SHISA6: variants seen among roughly 807,000 people sequenced by gnomAD.
SHISA6 encodes protein shisa-6.
SHISA6 carries 22 observed loss-of-function variants against 47.9 expected under a neutral mutation model. That is an observed-to-expected ratio of 0.46 (90% CI 0.33 to 0.66). The LOEUF is 0.66. Among genes scored for constraint, SHISA6 ranks in the 30% least tolerant of loss-of-function variants. The pLI is 0.02. For missense variants in SHISA6, 680 were observed against 764.6 expected, an observed-to-expected ratio of 0.89 and a Z score of 1.30; for synonymous variants, 388 against 337.8, an observed-to-expected ratio of 1.15 and a Z score of -1.63.
At chr17:11,297,794 T>C (rs4792124) in intron 2 of SHISA6, among the ~76,000 whole-genome samples, 38,506 of 152,114 alleles carry the variant, frequency 0.25, 5,856 homozygotes, top group Non-Finnish European at 0.35. Flanking sequence ...CAAATAGGAA[T>C]GGAATCCCTA....
chr17:11,546,297 G>T (rs764131908), intron 3 of SHISA6, among the ~76,000 whole-genome samples: 4 of 152,116 alleles, frequency 2.6e-5, no homozygotes, highest in Non-Finnish European at 4.4e-5. Context: ...TGGTCTAGTA[G>T]CCCTGACACC....
Position 11,514,829 on chromosome 17 carries a change from T to C in SHISA6, c.896-37067T>C, listed in dbSNP as rs187968306. 2.5e-3 allele frequency among the ~76,000 whole-genome samples: 375 copies of C among 152,338 alleles called. 1 individual carries two copies. Among genetic ancestry groups the C allele is most frequent in the African/African-American group, 8.6e-3 (358 of 41,574 alleles). On this transcript the variant is annotated intron_variant, in intron 3 of 5. Transcript: ENST00000441885. The stretch of plus-strand genomic sequence containing the variant: ...TTCTTGCACAGGGCACATGTCCTAT[T>C]GTATAGCAGCAGCCTCAACTAAAAA...
chr17:11,373,441 T>A (rs139099289), intron 2 of SHISA6, among the ~76,000 whole-genome samples: 1 of 152,300 alleles, frequency 6.6e-6, no homozygotes, highest in Non-Finnish European at 1.5e-5. Flanking sequence ...AGTCTCCAGC[T>A]ACCCAGCATA....
chr17:11,453,539 T>A (rs908171501), intron 3 of SHISA6, among the ~76,000 whole-genome samples: 7 of 152,202 alleles, frequency 4.6e-5, no homozygotes, highest in African/African-American at 1.7e-4. Flanking sequence ...ATTTCACCAA[T>A]CTGTGCCTTC....
chr17:11,379,387 A>G (rs1404931282), intron 2 of SHISA6, 27 bp from the exon 3 acceptor site: 1 of 1,490,692 alleles, frequency 6.7e-7, no homozygotes, highest in Admixed American at 2.1e-5. Context: ...TGGATGCGCC[A>G]GGTAATTCTG....
At chr17:11,418,027 A>G (rs992925104) in intron 3 of SHISA6, among the ~76,000 whole-genome samples, 4 of 152,224 alleles carry the variant, frequency 2.6e-5, no homozygotes, top group African/African-American at 9.6e-5. Flanking sequence ...GAGCAGAGGT[A>G]CATGTGGAAT....
At chr17:11,495,337 G>A (rs530125204) in intron 3 of SHISA6, among the ~76,000 whole-genome samples, 1 of 152,234 alleles carries the variant, frequency 6.6e-6, no homozygotes, top group East Asian at 1.9e-4. Flanking sequence ...GGGGTTCATA[G>A]ACTAAGCTGC....
chr17:11,549,804 A>G (rs1010469245), intron 3 of SHISA6, among the ~76,000 whole-genome samples: 2 of 152,180 alleles, frequency 1.3e-5, no homozygotes, highest in Admixed American at 6.5e-5. Context: ...AAACCAAACA[A>G]CAACAACAAC....
At chr17:11,531,209 C>CTGTGTG (rs2071729115) in intron 3 of SHISA6, among the ~76,000 whole-genome samples, 1 of 132,522 alleles carries the variant, frequency 7.5e-6, no homozygotes. Flanking sequence ...CAGGTTACTA[C>CTGTGTG]TCTGTGTGTG....
chr17:11,345,416 A>T (rs1341364515), intron 2 of SHISA6, among the ~76,000 whole-genome samples: 8 of 152,158 alleles, frequency 5.3e-5, no homozygotes, highest in Admixed American at 5.2e-4. Context: ...GGAAAGTATT[A>T]GTCTTGTAAC....
At chr17:11,356,837 G>C (rs1912093422) in intron 2 of SHISA6, among the ~76,000 whole-genome samples, 1 of 152,106 alleles carries the variant, frequency 6.6e-6, no homozygotes, top group African/African-American at 2.4e-5. Context: ...GGTAGCCAAA[G>C]AAGGGCATTG....
At chr17:11,488,459 T>A (rs1916404176) in intron 3 of SHISA6, among the ~76,000 whole-genome samples, 1 of 152,162 alleles carries the variant, frequency 6.6e-6, no homozygotes, top group African/African-American at 2.4e-5. Flanking sequence ...CTAAGGACTC[T>A]TTCAGCTTCA....
intron 2 of SHISA6, among the ~76,000 whole-genome samples, chr17:11,316,902 A>G (rs924414662): frequency 6.6e-6 from 1 of 152,214 alleles, no homozygotes; most frequent in Non-Finnish European, 1.5e-5. Flanking sequence ...CCTATTTTAC[A>G]TAAAAATTAC....
intron 3 of SHISA6, among the ~76,000 whole-genome samples, chr17:11,438,338 A>G (rs1034805847): frequency 1.2e-4 from 19 of 152,224 alleles, no homozygotes; most frequent in African/African-American, 4.6e-4. Flanking sequence ...CAGGGCTGCC[A>G]TAACAAAATA....
At chr17:11,366,568 G>A (rs1272533560) in intron 2 of SHISA6, among the ~76,000 whole-genome samples, 1 of 152,230 alleles carries the variant, frequency 6.6e-6, no homozygotes, top group East Asian at 1.9e-4. Flanking sequence ...GTCGATGGAA[G>A]TGGGTAAGGA....
intron 2 of SHISA6, among the ~76,000 whole-genome samples, chr17:11,334,791 C>G (rs1911262324): frequency 6.6e-6 from 1 of 152,232 alleles, no homozygotes; most frequent in African/African-American, 2.4e-5. Flanking sequence ...GCACAGCTGC[C>G]TGTAGGATCT....
At chr17:11,521,477 C>A in intron 3 of SHISA6, among the ~76,000 whole-genome samples, 1 of 152,064 alleles carries the variant, frequency 6.6e-6, no homozygotes, top group East Asian at 1.9e-4. Flanking sequence ...GGCCACCTAT[C>A]AAATACTAGT....
At chr17:11,307,552 C>A (rs1291347169) in intron 2 of SHISA6, among the ~76,000 whole-genome samples, 2 of 152,146 alleles carry the variant, frequency 1.3e-5, no homozygotes, top group African/African-American at 4.8e-5. Context: ...AGCTCATAGG[C>A]ACATAGCCAC....
intron 2 of SHISA6, among the ~76,000 whole-genome samples, chr17:11,376,865 T>C (rs1473056561): frequency 1.3e-5 from 2 of 152,168 alleles, no homozygotes; most frequent in African/African-American, 4.8e-5. Context: ...TCTGACCTAC[T>C]AAATCCGGGA....
Sources: gnomAD v4.1 joint callset for allele counts (sites outside exome capture counted in the v4.1 genomes callset) on GRCh38, gnomAD v4.1.1 for gene constraint, MANE v1.5 for transcripts, NCBI Gene and HGNC (gene_info 2026-07-23, HGNC 2026-07-21) for gene names.